GNA12: variants seen among roughly 807,000 people sequenced by gnomAD.
The protein encoded by GNA12 is G protein subunit alpha 12.
GNA12 carries 9 observed loss-of-function variants against 26.0 expected under a neutral mutation model. The observed-to-expected ratio is 0.35, with a 90% CI of 0.21 to 0.60. The LOEUF is 0.60. Ranked by LOEUF, GNA12 falls within the 20% of genes least tolerant of loss-of-function variation. The pLI is 0.78. For synonymous variants in GNA12, 264 were observed against 219.6 expected (o/e 1.20, Z -1.79); for missense variants, 405 against 525.8 (o/e 0.77, Z 2.25).
intron 1 of GNA12, among the ~76,000 whole-genome samples, chr7:2,840,800 G>C (rs960681729): frequency 6.6e-6 from 1 of 152,064 alleles, no homozygotes; most frequent in African/African-American, 2.4e-5. Context: ...GCCACAGTGA[G>C]CCATAATCCT....
At chr7:2,838,361 G>A (rs1203850077) in intron 1 of GNA12, among the ~76,000 whole-genome samples, 1 of 151,508 alleles carries the variant, frequency 6.6e-6, no homozygotes, top group East Asian at 1.9e-4. Flanking sequence ...GGATGGCTTT[G>A]AGGCTAGCAA....
chr7:2,746,124 T>C (rs59425939), intron 2 of GNA12, among the ~76,000 whole-genome samples: 32 of 152,140 alleles, frequency 2.1e-4, no homozygotes, highest in African/African-American at 7.0e-4. Flanking sequence ...GACAGAAAGT[T>C]AACAAGGATA....
chr7:2,792,793 G>A (rs976188163), intron 2 of GNA12, among the ~76,000 whole-genome samples: 1 of 152,148 alleles, frequency 6.6e-6, no homozygotes, highest in Admixed American at 6.5e-5. Context: ...AGATGGAAAG[G>A]GGCTAGTAAA....
chr7:2,792,977 C>T (rs1792558036), intron 2 of GNA12, among the ~76,000 whole-genome samples: 1 of 152,210 alleles, frequency 6.6e-6, no homozygotes, highest in Non-Finnish European at 1.5e-5. Flanking sequence ...AACCAAGCAA[C>T]CCAGGCTTGC....
At chr7:2,785,719 TAAAC>T (rs1288374821) in intron 2 of GNA12, among the ~76,000 whole-genome samples, 3 of 152,210 alleles carry the variant, frequency 2.0e-5, no homozygotes, top group South Asian at 2.1e-4. Flanking sequence ...ATTTTTCAGA[TAAAC>T]AAGCTGTGGT....
At chr7:2,776,811 G>A (rs1792089243) in intron 2 of GNA12, among the ~76,000 whole-genome samples, 1 of 152,172 alleles carries the variant, frequency 6.6e-6, no homozygotes, top group Non-Finnish European at 1.5e-5. Context: ...GGGGCCAGGA[G>A]AGGTGGCTCA....
chr7:2,814,541 CTTTA>C (rs1793168906), intron 1 of GNA12, among the ~76,000 whole-genome samples: 1 of 151,920 alleles, frequency 6.6e-6, no homozygotes, highest in Non-Finnish European at 1.5e-5. Context: ...CCCATGAAGT[CTTTA>C]CTGGGAAGGC....
intron 2 of GNA12, among the ~76,000 whole-genome samples, chr7:2,778,316 C>A (rs1450644472): frequency 3.9e-5 from 6 of 152,192 alleles, no homozygotes; most frequent in Admixed American, 2.6e-4. Flanking sequence ...TAGGGCAGGC[C>A]TTGCTTTTTC....
intron 1 of GNA12, among the ~76,000 whole-genome samples, chr7:2,836,398 G>T (rs1350557930): frequency 6.6e-6 from 1 of 152,188 alleles, no homozygotes; most frequent in Non-Finnish European, 1.5e-5. Context: ...GAAAGAAGGC[G>T]GCAGGCTACC....
At chr7:2,759,194 A>T (rs1485295639) in intron 2 of GNA12, among the ~76,000 whole-genome samples, 1 of 151,344 alleles carries the variant, frequency 6.6e-6, no homozygotes, top group Non-Finnish European at 1.5e-5. Flanking sequence ...TAAATAAAAT[A>T]AAAATAAAAA....
chr7:2,801,131 G>A (rs900868097), intron 1 of GNA12, among the ~76,000 whole-genome samples: 6 of 152,216 alleles, frequency 3.9e-5, no homozygotes, highest in Non-Finnish European at 8.8e-5. Context: ...TGGCTTGGAT[G>A]GGGTTTCAGC....
chr7:2,775,757 A>T (rs1486921718), intron 2 of GNA12, among the ~76,000 whole-genome samples: 1 of 152,220 alleles, frequency 6.6e-6, no homozygotes, highest in African/African-American at 2.4e-5. Context: ...GAGACCTCAG[A>T]GGCTCATCAG....
At chr7:2,821,299 C>T (rs1487464163) in intron 1 of GNA12, among the ~76,000 whole-genome samples, 2 of 152,190 alleles carry the variant, frequency 1.3e-5, no homozygotes, top group African/African-American at 2.4e-5. Flanking sequence ...CGCTGCCTCC[C>T]GTGGCAAGGT....
intron 2 of GNA12, among the ~76,000 whole-genome samples, chr7:2,778,624 C>A (rs1008082448): frequency 6.6e-6 from 1 of 152,178 alleles, no homozygotes; most frequent in Admixed American, 6.5e-5. Context: ...TAGCTCATAG[C>A]CCACTGCTGA....
At chr7:2,775,234 A>C (rs945714507) in intron 2 of GNA12, 1 of 152,164 alleles carries the variant, frequency 6.6e-6, no homozygotes, top group Non-Finnish European at 1.5e-5. Flanking sequence ...GTTTGATTTG[A>C]ATAGGCTTAA....
intron 1 of GNA12, 152 bp downstream of exon 1, chr7:2,843,701 G>A: frequency 2.3e-6 from 1 of 427,986 alleles, no homozygotes; most frequent in Non-Finnish European, 4.1e-6. Flanking sequence ...TCGGGGAATG[G>A]GTCGGGGGGG....
In GNA12 at chr7:2,731,585, T is replaced by C. The variant is rs762077179; in HGVS notation, c.742A>G (p.Ile248Val). ...WFQCFDGITS[I>V]LFMVSSSEYD... is the part of the protein sequence containing the mutation. ...TCGCTGGAGGAGACCATGAACAGGA[T>C]GGACGTGATCCCGTCGAAGCACTGG... Residue 248 changes from isoleucine to valine, a missense_variant, in exon 4 of 4, where the codon ATC becomes GTC. Transcript: ENST00000275364. The surrounding 1 kb of genome is among the most constrained non-coding windows in gnomAD (Gnocchi z 6.0). The C allele has an allele frequency of 2.5e-6, 4 of 1,613,732 alleles. No homozygotes were observed. Among genetic ancestry groups the C allele is most frequent in the South Asian group, 2.2e-5 (2 of 91,046 alleles).
chr7:2,736,388 A>G (rs148470913), intron 2 of GNA12, among the ~76,000 whole-genome samples: 6 of 152,274 alleles, frequency 3.9e-5, no homozygotes, highest in Admixed American at 2.0e-4. Flanking sequence ...AAATGAAATG[A>G]ATTTCATTAG....
chr7:2,772,544 A>G (rs1791975325), intron 2 of GNA12, among the ~76,000 whole-genome samples: 1 of 151,294 alleles, frequency 6.6e-6, no homozygotes. Flanking sequence ...TGGGCAACAG[A>G]GTGAGACTCC....
Sources: gnomAD v4.1 joint callset for allele counts (sites outside exome capture counted in the v4.1 genomes callset) on GRCh38, gnomAD v4.1.1 for gene constraint, Gnocchi (gnomAD v3.1) non-coding constraint, MANE v1.5 for transcripts, NCBI Gene and HGNC (gene_info 2026-07-23, HGNC 2026-07-21) for gene names.